The following PALLD variants were observed in gnomAD, a reference collection of about 807,000 sequenced individuals.
The protein encoded by PALLD is palladin.
In PALLD, 61 loss-of-function variants were observed where a neutral mutation model predicts 123.5. The observed-to-expected ratio is 0.49, with a 90% CI of 0.40 to 0.61. The LOEUF (loss-of-function observed/expected upper bound fraction) is 0.61, where lower values mean the gene tolerates loss of function less well. Among genes scored for constraint, PALLD ranks in the 20% least tolerant of loss-of-function variants. The pLI, the probability that PALLD is intolerant of heterozygous loss-of-function variation, is 0.00. For missense variants in PALLD, 1,273 were observed against 1,377.0 expected (o/e 0.92, Z 1.20); for synonymous variants, 465 against 496.4 (o/e 0.94, Z 0.84).
intron 10 of PALLD, among the ~76,000 whole-genome samples, chr4:168,792,965 C>CTAAA (rs1737749829): frequency 6.6e-6 from 1 of 151,408 alleles, no homozygotes; most frequent in African/African-American, 2.4e-5. Context: ...CAGGGTCTCA[C>CTAAA]CATGTTGGCC....
intron 2 of PALLD, among the ~76,000 whole-genome samples, chr4:168,654,248 A>G (rs780156533): frequency 1.4e-4 from 21 of 152,196 alleles, no homozygotes; most frequent in Non-Finnish European, 1.3e-4. Context: ...CACACCATGT[A>G]ATAGCTTTAG....
At chr4:168,842,027 A>G (rs1303388046) in intron 10 of PALLD, among the ~76,000 whole-genome samples, 1 of 152,224 alleles carries the variant, frequency 6.6e-6, no homozygotes, top group Admixed American at 6.5e-5. Context: ...AAGGAATGTG[A>G]TGAAGACTGA....
chr4:168,583,166 TAC>T (rs1440572871), intron 2 of PALLD, among the ~76,000 whole-genome samples: 1 of 152,118 alleles, frequency 6.6e-6, no homozygotes, highest in Admixed American at 6.5e-5. Flanking sequence ...CTAAAATAAA[TAC>T]AGAGACATTT....
At chr4:168,906,366 G>T (rs1443733993) in intron 15 of PALLD, among the ~76,000 whole-genome samples, 3 of 152,122 alleles carry the variant, frequency 2.0e-5, no homozygotes, top group Admixed American at 2.0e-4. Context: ...TTTTACATGT[G>T]GAAAAGTTCT....
At chr4:168,803,676 C>T (rs567338806) in intron 10 of PALLD, among the ~76,000 whole-genome samples, 1,532 of 116,744 alleles carry the variant, frequency 0.013, 20 homozygotes, top group Non-Finnish European at 0.017. Context: ...TAGAGTGAGA[C>T]CCTGTCTCAA....
At chr4:168,744,632 A>C (rs2150359839) in intron 10 of PALLD, among the ~76,000 whole-genome samples, 1 of 152,350 alleles carries the variant, frequency 6.6e-6, no homozygotes, top group East Asian at 1.9e-4. Context: ...GACACAGTCT[A>C]GTGGTGGCAA....
chr4:168,741,247 T>C (rs1056388323), intron 10 of PALLD, among the ~76,000 whole-genome samples: 2 of 152,196 alleles, frequency 1.3e-5, no homozygotes, highest in African/African-American at 2.4e-5. Flanking sequence ...TCAGAAACTA[T>C]TCTTATTTGT....
intron 2 of PALLD, among the ~76,000 whole-genome samples, chr4:168,637,056 C>G (rs753200457): frequency 9.2e-5 from 14 of 152,058 alleles, no homozygotes; most frequent in Non-Finnish European, 2.1e-4. Context: ...CAGTAATGAT[C>G]TTAAAGTTTA....
At chr4:168,676,101 A>G (rs979222968) in intron 3 of PALLD, among the ~76,000 whole-genome samples, 3 of 152,210 alleles carry the variant, frequency 2.0e-5, no homozygotes, top group Non-Finnish European at 2.9e-5. Flanking sequence ...GCCTTATGAC[A>G]GTCACTCTTA....
intron 10 of PALLD, among the ~76,000 whole-genome samples, chr4:168,889,575 T>G (rs894321995): frequency 3.3e-5 from 5 of 152,172 alleles, no homozygotes; most frequent in African/African-American, 1.2e-4. Flanking sequence ...CTTATCCATT[T>G]CTAGTACCTT....
chr4:168,607,394 A>C lies in PALLD; in HGVS notation c.909-60796A>C, dbSNP rs150166450. Reference sequence around the variant, plus strand: ...TGACCGGAGGTGTAACTGATTGATTACTGTTCTGACTCATGTAATTTTGTC... The same window carrying C: ...TGACCGGAGGTGTAACTGATTGATTCCTGTTCTGACTCATGTAATTTTGTC... On this transcript the variant is annotated intron_variant, in intron 2 of 21. Coordinates refer to ENST00000505667, the MANE Select transcript of PALLD (RefSeq NM_001166108.2). 9.2e-5 allele frequency among the ~76,000 whole-genome samples: 14 copies of C among 152,332 alleles called. No individual in the cohort carries two copies. In the East Asian group the frequency reaches 2.3e-3, roughly 25 times the overall value.
At chr4:168,673,846 G>A (rs1038358634) in intron 3 of PALLD, among the ~76,000 whole-genome samples, 1 of 152,036 alleles carries the variant, frequency 6.6e-6, no homozygotes, top group Non-Finnish European at 1.5e-5. Flanking sequence ...AAAAGGAATA[G>A]GATTGGAGAC....
chr4:168,865,934 A>G (rs1431513957), intron 10 of PALLD, among the ~76,000 whole-genome samples: 1 of 152,170 alleles, frequency 6.6e-6, no homozygotes, highest in Non-Finnish European at 1.5e-5. Flanking sequence ...GGAAAGTACT[A>G]AGTAGCCCAG....
chr4:168,857,510 G>A (rs1399148615), intron 10 of PALLD, among the ~76,000 whole-genome samples: 5 of 152,262 alleles, frequency 3.3e-5, no homozygotes, highest in African/African-American at 1.2e-4. Context: ...CCATGGAAAG[G>A]TAATGTTTAA....
At chr4:168,600,271 T>C (rs781582952) in intron 2 of PALLD, among the ~76,000 whole-genome samples, 3 of 152,210 alleles carry the variant, frequency 2.0e-5, no homozygotes, top group African/African-American at 2.4e-5. Flanking sequence ...CAGTTACATG[T>C]TCTACCATTC....
chr4:168,924,835 T>G (rs1472208205), intron 19 of PALLD, 110 bp from the exon 20 acceptor site: 3 of 1,072,682 alleles, frequency 2.8e-6, no homozygotes, highest in African/African-American at 3.1e-5. Flanking sequence ...GACCCTATTA[T>G]CAGCTACTTG....
intron 10 of PALLD, among the ~76,000 whole-genome samples, chr4:168,889,410 C>T (rs1753846267): frequency 6.6e-6 from 1 of 152,116 alleles, no homozygotes; most frequent in South Asian, 2.1e-4. Context: ...GGGATTCACC[C>T]ACCTTGGTCT....
At chr4:168,654,524 T>C (rs1477015764) in intron 2 of PALLD, among the ~76,000 whole-genome samples, 1 of 152,256 alleles carries the variant, frequency 6.6e-6, no homozygotes, top group African/African-American at 2.4e-5. Context: ...TATCAAGTGA[T>C]AACATTAGTT....
At chr4:168,666,870 A>G (rs1463932861) in intron 2 of PALLD, among the ~76,000 whole-genome samples, 1 of 152,188 alleles carries the variant, frequency 6.6e-6, no homozygotes, top group East Asian at 1.9e-4. Context: ...AGACTGGAGG[A>G]TGACTCTGGG....
Sources: allele counts gnomAD v4.1 joint callset (sites outside exome capture counted in the v4.1 genomes callset), GRCh38; gene constraint gnomAD v4.1.1; transcripts MANE v1.5; gene names NCBI Gene and HGNC (gene_info 2026-07-23, HGNC 2026-07-21).